Variants in PCDH10 observed in about 807,000 individuals in gnomAD.
PCDH10 encodes protocadherin-10.
PCDH10 carries 15 observed loss-of-function variants against 74.4 expected under a neutral mutation model. That is an observed-to-expected ratio of 0.20 (90% CI 0.13 to 0.31). PCDH10 has a LOEUF of 0.31. Among genes scored for constraint, PCDH10 ranks in the 10% least tolerant of loss-of-function variants. PCDH10 has a pLI of 1.00. For missense variants in PCDH10, 1,260 were observed against 1,390.2 expected (o/e 0.91, Z 1.49); for synonymous variants, 619 against 589.8 (o/e 1.05, Z -0.72).
In PCDH10 at chr4:133,194,463, A is replaced by G. The variant is rs1410479363; in HGVS notation, c.*4303A>G. 1 of 151,890 alleles carries G rather than the reference A, an allele frequency of 6.6e-6. No individual in the cohort carries two copies. The highest frequency in any genetic ancestry group is 2.4e-5 in the African/African-American group (1 of 41,444). 9.4% of individuals were successfully genotyped at this position (151,890 alleles called of 1,614,324 possible). On this transcript the variant is annotated 3_prime_UTR_variant, in exon 5 of 5. Transcript: ENST00000264360. ...AGTTATCTGTGAGTGAAAACAGGGT[A>G]TTATAACAAAAGATGAGTTTCAATC...
intron 2 of PCDH10, among the ~76,000 whole-genome samples, chr4:133,200,799 G>T (rs1477630262): frequency 6.6e-6 from 1 of 152,092 alleles, no homozygotes; most frequent in Non-Finnish European, 1.5e-5. Flanking sequence ...GCCAGGCTAT[G>T]TTTCCATTCT....
At position 133,152,512 on chromosome 4, in the gene PCDH10, A is replaced by G. The variant is rs770008835; in HGVS notation, c.2372A>G (p.Gln791Arg). ...KLSKSDIMLVQSSNVPSNPAQ... is the reference protein window; with the variant it reads ...KLSKSDIMLVRSSNVPSNPAQ... The stretch of plus-strand genomic sequence containing the variant: ...AGCAAGTCAGACATCATGCTGGTGC[A>G]GAGCTCCAATGTACCCAGTAACCCG... Residue 791 changes from glutamine to arginine, a missense_variant, in exon 1 of 5, where the codon CAG becomes CGG. Around this residue, in one of 11 missense-constraint regions of PCDH10, gnomAD observed 587 missense variants for 616.9 expected, o/e 0.95. Coordinates refer to ENST00000264360, the MANE Select transcript of PCDH10 (RefSeq NM_032961.3). The G allele has an allele frequency of 1.2e-6, 2 of 1,614,018 alleles. No homozygotes were observed.
In PCDH10 at chr4:133,152,613, C is replaced by T. The variant is rs764643693; in HGVS notation, c.2473C>T (p.Leu825=). 1.1e-5 allele frequency: 17 copies of T among 1,614,074 alleles called. No individual in the cohort carries two copies. The highest frequency in any genetic ancestry group is 2.7e-5 in the African/African-American group (2 of 74,930). ...CCAGAATTACTGCTATCAGGTATGC[C>T]TGACCCCTGAGTCCGCCAAGACCGA... is the stretch of plus-strand genomic sequence containing the variant. ...HNQNYCYQVC[L]TPESAKTDLM... The change falls in exon 1 of 5, where the codon CTG becomes TTG. Residue 825 remains leucine, a synonymous_variant. Transcript: ENST00000264360.
At chr4:133,177,858 G>T (rs1396353273) in intron 4 of PCDH10, among the ~76,000 whole-genome samples, 2 of 151,964 alleles carry the variant, frequency 1.3e-5, no homozygotes, top group African/African-American at 4.8e-5. Context: ...TAATTTATTA[G>T]AATAAAATAT....
rs376225552 is a variant in PCDH10, at chr4:133,151,491, G to T, written c.1351G>T (p.Val451Leu). The T allele has an allele frequency of 3.1e-6, 5 of 1,613,964 alleles. No individual in the cohort carries two copies. The African/African-American group carries it at 5.3e-5, about 17-fold the overall frequency. ...GCTCTCCACCAGTAAGTCGATCCAGGTACAAGTGTCGGATGTGAACGACAA... is the reference window on the plus strand; with the variant it reads ...GCTCTCCACCAGTAAGTCGATCCAGTTACAAGTGTCGGATGTGAACGACAA... The part of the protein sequence containing the change: ...PALSTSKSIQ[V>L]QVSDVNDNAP... The change falls in exon 1 of 5, where the codon GTA becomes TTA. Residue 451 changes from valine (V) to leucine (L), a missense_variant. Transcript: ENST00000264360.
chr4:133,176,424 A>G (rs549024130), intron 4 of PCDH10, among the ~76,000 whole-genome samples: 8 of 152,276 alleles, frequency 5.3e-5, no homozygotes, highest in Non-Finnish European at 7.4e-5. Flanking sequence ...TGCCTGCCCA[A>G]AAGAGGCACT....
intron 4 of PCDH10, among the ~76,000 whole-genome samples, chr4:133,177,020 ACT>A (rs1261206626): frequency 1.3e-5 from 2 of 151,788 alleles, no homozygotes; most frequent in African/African-American, 4.9e-5. Flanking sequence ...ATAGAATTTG[ACT>A]CATCTATGTT....
intron 4 of PCDH10, among the ~76,000 whole-genome samples, chr4:133,173,215 G>T (rs368829320): frequency 1.3e-5 from 2 of 151,884 alleles, no homozygotes; most frequent in Non-Finnish European, 2.9e-5. Flanking sequence ...GAGAAATGGC[G>T]TATCTGAAGA....
At chr4:133,184,773 A>AATATATATATAAATATATATATTTAT (rs1226508245) in intron 4 of PCDH10, among the ~76,000 whole-genome samples, 4 of 136,856 alleles carry the variant, frequency 2.9e-5, no homozygotes, top group Middle Eastern at 3.6e-3. Flanking sequence ...TAAATATATA[A>AATATATATATAAATATATATATTTAT]ATATATATAT....
chr4:133,181,510 T>A (rs955976340), intron 4 of PCDH10, among the ~76,000 whole-genome samples: 3 of 152,030 alleles, frequency 2.0e-5, no homozygotes, highest in African/African-American at 7.2e-5. Flanking sequence ...AGCACCCAAA[T>A]ATTCTATGGG....
chr4:133,197,259 C>A (rs558498831), downstream of PCDH10, among the ~76,000 whole-genome samples: 2 of 152,232 alleles, frequency 1.3e-5, no homozygotes, highest in South Asian at 4.1e-4. Flanking sequence ...CAAATAAATG[C>A]TTGTTGGAAA....
rs746941061 is a variant in PCDH10, at chr4:133,151,065, A to T, written c.925A>T (p.Arg309Ter). ...TTTCGGACTCTCGCCGCGCACTGGC[A>T]GACTGGAGGTAAGCGGCGAGTTGGA... ...ELFGLSPRTG[R>*]LEVSGELDYE... Residue 309 changes from arginine (R) to a stop codon, truncating the protein, a stop_gained, in exon 1 of 5, where the codon AGA (arginine) becomes TGA (stop). Coordinates refer to ENST00000264360, the MANE Select transcript of PCDH10 (RefSeq NM_032961.3). LOFTEE classifies it high-confidence loss of function. 6.2e-7 allele frequency: 1 copy of T among 1,614,102 alleles called. No homozygotes were observed. The highest frequency in any genetic ancestry group is 1.1e-5 in the South Asian group (1 of 91,088).
chr4:133,183,479 C>T (rs1271592879), intron 4 of PCDH10, among the ~76,000 whole-genome samples: 1 of 151,968 alleles, frequency 6.6e-6, no homozygotes, highest in Non-Finnish European at 1.5e-5. Context: ...AATTGTATAC[C>T]ATTGTATTTG....
intron 3 of PCDH10, among the ~76,000 whole-genome samples, chr4:133,157,076 A>T (rs1202248514): frequency 6.6e-6 from 1 of 152,254 alleles, no homozygotes; most frequent in African/African-American, 2.4e-5. Context: ...GTTCTTAAAC[A>T]TGTAAAAGTG....
chr4:133,202,214 A>G (rs549581619), intron 2 of PCDH10, among the ~76,000 whole-genome samples: 1 of 152,286 alleles, frequency 6.6e-6, no homozygotes, highest in South Asian at 2.1e-4. Flanking sequence ...AATAAAGAAA[A>G]GTGAGGGACC....
chr4:133,152,470 C>A lies in PCDH10; in HGVS notation c.2330C>A (p.Ala777Glu), dbSNP rs750744037. ...ACCTGCTGTGGCCGCCAAGCCCGGG[C>A]GCGCAAGAAGAAACTCAGCAAGTCA... ...GSTCCGRQAR[A>E]RKKKLSKSDI... The change falls in exon 1 of 5, where the codon GCG becomes GAG. Residue 777 changes from alanine (A) to glutamate (E), a missense_variant. Around this residue, in one of 11 missense-constraint regions of PCDH10, gnomAD observed 587 missense variants for 616.9 expected, o/e 0.95. Coordinates refer to ENST00000264360, the MANE Select transcript of PCDH10 (RefSeq NM_032961.3). The A allele has an allele frequency of 8.7e-6, 14 of 1,613,984 alleles. No individual in the cohort carries two copies. The highest frequency in any genetic ancestry group is 1.7e-5 in the Admixed American group (1 of 59,988).
At position 133,174,671 on chromosome 4, in the gene PCDH10, C is replaced by G. The variant is rs576722710; in HGVS notation, c.3103+11389C>G. 2.0e-5 allele frequency among the ~76,000 whole-genome samples: 3 copies of G among 150,942 alleles called. No homozygotes were observed. In the South Asian group the frequency reaches 6.3e-4, roughly 32 times the overall value. ...ACGTAATTTTATATAGGCAAAATGA[C>G]TGGTATTAGACAATTTAGAAATGCC... is the stretch of plus-strand genomic sequence containing the variant. On this transcript the variant is annotated intron_variant, in intron 4 of 4. Transcript: ENST00000264360.
chr4:133,154,951 A>G lies in PCDH10; in HGVS notation c.2725A>G (p.Lys909Glu). 1 of 1,613,466 alleles carries G rather than the reference A, an allele frequency of 6.2e-7. No homozygotes were observed. The highest frequency in any genetic ancestry group is 8.5e-7 in the Non-Finnish European group (1 of 1,179,376). Residue 909 changes from lysine (K) to glutamate (E), a missense_variant, in exon 3 of 5, where the codon AAG (lysine) becomes GAG (glutamate). By Grantham distance (56) the Lys-to-Glu change is moderately conservative. This residue lies in a region of PCDH10 where 587 missense variants were observed against 616.9 expected (regional missense o/e 0.95). Coordinates refer to ENST00000264360, the MANE Select transcript of PCDH10 (RefSeq NM_032961.3). ...CCAGGAAGCCGACATAGTAAGCTCT[A>G]AGGACAGTGGTCATGGAGACAGTGA... Reference protein sequence around the residue: ...AFQEADIVSSKDSGHGDSEQG... With the variant: ...AFQEADIVSSEDSGHGDSEQG...
chr4:133,154,399 C>A lies in PCDH10; in HGVS notation c.2690+34C>A, dbSNP rs201437592. 8.6e-4 allele frequency: 1,089 copies of A among 1,265,980 alleles called. 8 individuals are homozygous for A. The African/African-American group carries it at 0.014, about 16-fold the overall frequency. 78.4% of individuals were successfully genotyped at this position (1,265,980 alleles called of 1,614,324 possible). A position where few individuals can be genotyped will look rare whatever the true frequency, so the allele number is the denominator to read the frequency against. ...TCTTTTTTTCCCTAGCAGTAATGGA[C>A]AATTTACAACCTAGTAAAAGTAGGA... is the stretch of plus-strand genomic sequence containing the variant. On this transcript the variant is annotated intron_variant, in intron 2 of 4. Transcript: ENST00000264360.
Sources: gnomAD v4.1 joint callset for allele counts (sites outside exome capture counted in the v4.1 genomes callset) on GRCh38, gnomAD v4.1.1 for gene constraint, gnomAD v4.1.1 regional missense constraint, MANE v1.5 for transcripts, NCBI Gene and HGNC (gene_info 2026-07-23, HGNC 2026-07-21) for gene names.